POLN: variants seen among roughly 807,000 people sequenced by gnomAD.
The protein encoded by POLN is DNA polymerase N.
Under a neutral mutation model 113.5 loss-of-function variants are expected in POLN, and 108 were observed. The observed-to-expected ratio is 0.95, with a 90% CI of 0.81 to 1.12. POLN has a LOEUF of 1.12. Ranked by LOEUF, POLN falls within the 50% of genes most tolerant of loss-of-function variation. The pLI is 0.00. For missense variants in POLN, 1,097 were observed against 1,077.1 expected (o/e 1.02, Z -0.26); for synonymous variants, 386 against 391.5 (o/e 0.99, Z 0.17).
chr4:2,135,633 G>A (rs1398896875), intron 16 of POLN, among the ~76,000 whole-genome samples: 1 of 152,232 alleles, frequency 6.6e-6, no homozygotes, highest in African/African-American at 2.4e-5. Context: ...CAAAGTGACT[G>A]TGGTGGGAAG....
chr4:2,081,971 T>C (rs1235254706), intron 21 of POLN, among the ~76,000 whole-genome samples: 10 of 147,794 alleles, frequency 6.8e-5, no homozygotes, highest in Non-Finnish European at 1.2e-4. Context: ...TTTTTTTTTT[T>C]TGAGACAGAG....
intron 16 of POLN, chr4:2,139,901 A>T (rs1466662187): frequency 6.6e-6 from 1 of 152,026 alleles, no homozygotes; most frequent in Non-Finnish European, 1.5e-5. Flanking sequence ...AGAGCTCTCC[A>T]TCTGGGGGTG....
At chr4:2,160,347 GT>G (rs1321143434) in intron 13 of POLN, among the ~76,000 whole-genome samples, 8 of 152,136 alleles carry the variant, frequency 5.3e-5, no homozygotes, top group Non-Finnish European at 1.0e-4. Flanking sequence ...ATTCTGGACA[GT>G]TTTTTGGTCT....
chr4:2,073,024 C>G lies in POLN; in HGVS notation c.2461G>C (p.Val821Leu), dbSNP rs750568828. The G allele has an allele frequency of 3.7e-6, 6 of 1,613,456 alleles. No individual in the cohort carries two copies. In the South Asian group the frequency reaches 4.4e-5, roughly 12 times the overall value. ...DPQIPECAAL[V>L]RRTMESLEQV... ...TCCAAGGACTCCATGGTCCTCCTGA[C>G]GAGAGCTAGAGTGCGGAAGAGAGAG... Residue 821 changes from valine to leucine, a missense_variant, in exon 25 of 26, where the codon GTC (valine) becomes CTC (leucine). Transcript: ENST00000511885.
At chr4:2,121,700 T>A (rs1731447541) in intron 19 of POLN, among the ~76,000 whole-genome samples, 1 of 152,094 alleles carries the variant, frequency 6.6e-6, no homozygotes, top group South Asian at 2.1e-4. Flanking sequence ...TCCTATTTCA[T>A]TCCTGATATT....
intron 6 of POLN, among the ~76,000 whole-genome samples, chr4:2,197,926 C>T (rs1733621874): frequency 6.6e-6 from 1 of 152,152 alleles, no homozygotes; most frequent in Admixed American, 6.5e-5. Flanking sequence ...TGTGGATAAC[C>T]TAAGCAAAGA....
At chr4:2,194,036 C>T (rs370047396) in intron 6 of POLN, among the ~76,000 whole-genome samples, 3 of 152,312 alleles carry the variant, frequency 2.0e-5, no homozygotes, top group African/African-American at 2.4e-5. Flanking sequence ...CCAGATACCA[C>T]GCTGGACACT....
intron 20 of POLN, among the ~76,000 whole-genome samples, chr4:2,086,676 G>A (rs1403184616): frequency 6.6e-6 from 1 of 152,084 alleles, no homozygotes; most frequent in African/African-American, 2.4e-5. Context: ...CTCGACAGTG[G>A]GATCCTAGGG....
intron 16 of POLN, among the ~76,000 whole-genome samples, chr4:2,147,204 T>C (rs535668005): frequency 6.6e-5 from 10 of 152,134 alleles, no homozygotes; most frequent in Non-Finnish European, 1.0e-4. Context: ...GTATCATGAG[T>C]GGCACTGTAG....
At chr4:2,232,141 T>C in intron 2 of POLN, 1 of 1,554,460 alleles carries the variant, frequency 6.4e-7, no homozygotes, top group Admixed American at 2.0e-5. Flanking sequence ...TTCAACTTTA[T>C]GAAACTGCTC....
chr4:2,201,348 A>AT (rs1454590710), intron 5 of POLN, among the ~76,000 whole-genome samples: 1 of 138,020 alleles, frequency 7.2e-6, no homozygotes, highest in Non-Finnish European at 1.5e-5. Flanking sequence ...TGGCATATAT[A>AT]AAAAAAAATC....
At chr4:2,164,232 T>C (rs1732670174) in intron 13 of POLN, among the ~76,000 whole-genome samples, 1 of 152,164 alleles carries the variant, frequency 6.6e-6, no homozygotes, top group Non-Finnish European at 1.5e-5. Flanking sequence ...CTGGGCATGG[T>C]GGCTCACACA....
chr4:2,084,982 A>G (rs1005853818), intron 21 of POLN, among the ~76,000 whole-genome samples: 2 of 152,260 alleles, frequency 1.3e-5, no homozygotes, highest in South Asian at 2.1e-4. Context: ...TCTTTAAAAA[A>G]TACTCCTTTA....
intron 2 of POLN, chr4:2,236,325 T>G: frequency 2.5e-6 from 4 of 1,613,640 alleles, no homozygotes; most frequent in Non-Finnish European, 3.4e-6. Context: ...AGAATGTTCT[T>G]GAGCAGATAC....
intron 2 of POLN, among the ~76,000 whole-genome samples, chr4:2,234,753 T>G (rs1048929267): frequency 6.6e-6 from 1 of 152,258 alleles, no homozygotes; most frequent in Non-Finnish European, 1.5e-5. Context: ...AGTCATTATG[T>G]AATGCTAAAT....
chr4:2,207,666 T>A (rs748594044), intron 5 of POLN, among the ~76,000 whole-genome samples: 63 of 152,028 alleles, frequency 4.1e-4, no homozygotes, highest in Non-Finnish European at 7.2e-4. Flanking sequence ...GGAAATACAA[T>A]TTAAAACCAC....
Position 2,075,552 on chromosome 4 carries a change from C to G in POLN, c.2388-33G>C, listed in dbSNP as rs949170585. ...GGAGGGAAGGAGTCACCCTGGGAGGCCAGGACTGTGGGGCGTGGGCCACCA... is the reference window on the plus strand; with the variant it reads ...GGAGGGAAGGAGTCACCCTGGGAGGGCAGGACTGTGGGGCGTGGGCCACCA... On this transcript the variant is annotated intron_variant, in intron 23 of 25. Coordinates refer to ENST00000511885, the MANE Select transcript of POLN (RefSeq NM_181808.4). 4 of 1,610,646 alleles carry G rather than the reference C, an allele frequency of 2.5e-6. No individual in the cohort carries two copies. The South Asian group carries it at 4.4e-5, about 18-fold the overall frequency.
At position 2,241,626 on chromosome 4, in the gene POLN, G is replaced by A. The variant is rs556820976; in HGVS notation, c.-119C>T. 5 of 985,352 alleles carry A rather than the reference G, an allele frequency of 5.1e-6. No individual in the cohort carries two copies. Among genetic ancestry groups the A allele is most frequent in the East Asian group, 1.1e-4 (1 of 8,810 alleles). 61.0% of individuals were successfully genotyped at this position (985,352 alleles called of 1,614,324 possible). On this transcript the variant is annotated 5_prime_UTR_variant, in exon 2 of 26. Transcript: ENST00000511885. ...GCGGCCACAATTAAGGGTGCTTCGG[G>A]CCGGCCTTCAGCCAGCGCTGAGGCA...
chr4:2,135,065 A>G (rs1731820392), intron 16 of POLN, among the ~76,000 whole-genome samples: 1 of 152,144 alleles, frequency 6.6e-6, no homozygotes, highest in Non-Finnish European at 1.5e-5. Context: ...TCGCACACAA[A>G]TCTGGCCTTC....
Sources: allele counts gnomAD v4.1 joint callset (sites outside exome capture counted in the v4.1 genomes callset), GRCh38; gene constraint gnomAD v4.1.1; transcripts MANE v1.5; gene names NCBI Gene and HGNC (gene_info 2026-07-23, HGNC 2026-07-21).